VAMP7: variants seen among roughly 807,000 people sequenced by gnomAD.
VAMP7 encodes the protein vesicle associated membrane protein 7.
A neutral mutation model predicts 29.6 loss-of-function variants in VAMP7; 14 were observed. That is an observed-to-expected ratio of 0.47 (90% CI 0.31 to 0.74). VAMP7 has a LOEUF of 0.74. VAMP7 is among the 30% of genes least tolerant of loss of function. The pLI is 0.05. For synonymous variants in VAMP7, 95 were observed against 88.1 expected (o/e 1.08, Z -0.44); for missense variants, 223 against 262.4 (o/e 0.85, Z 1.04).
At chrX:155,889,855 A>G (rs1210805296) in intron 2 of VAMP7, among the ~76,000 whole-genome samples, 2 of 147,988 alleles carry the variant, frequency 1.4e-5, no homozygotes, top group African/African-American at 5.0e-5. Flanking sequence ...TTAAATGTAA[A>G]AATGACTTTG....
chrX:155,919,599 G>A (rs2066365101), intron 5 of VAMP7, among the ~76,000 whole-genome samples: 1 of 152,146 alleles, frequency 6.6e-6, no homozygotes, highest in East Asian at 1.9e-4. Flanking sequence ...GGCTTAGGGT[G>A]TAGTTGTTAT....
At chrX:155,914,937 G>T (rs2066289641) in intron 5 of VAMP7, among the ~76,000 whole-genome samples, 1 of 152,278 alleles carries the variant, frequency 6.6e-6, no homozygotes, top group African/African-American at 2.4e-5. Context: ...AGAAGGAATG[G>T]TACCAGCTCC....
chrX:155,921,931 T>C (rs2066401707), intron 6 of VAMP7, among the ~76,000 whole-genome samples: 2 of 152,068 alleles, frequency 1.3e-5, no homozygotes, highest in Non-Finnish European at 2.9e-5. Context: ...ATAGAGTTTT[T>C]CGGTCCATGA....
At chrX:155,895,906 G>A (rs2065981427) in intron 3 of VAMP7, among the ~76,000 whole-genome samples, 1 of 152,220 alleles carries the variant, frequency 6.6e-6, no homozygotes, top group South Asian at 2.1e-4. Context: ...TCATATGAGT[G>A]TGAACCCTGT....
intron 5 of VAMP7, among the ~76,000 whole-genome samples, chrX:155,917,724 C>G (rs1339949027): frequency 6.6e-6 from 1 of 152,132 alleles, no homozygotes; most frequent in Non-Finnish European, 1.5e-5. Flanking sequence ...CAGAGCTCTC[C>G]TGTATGAGAT....
intron 6 of VAMP7, among the ~76,000 whole-genome samples, chrX:155,937,640 C>CT (rs2066681453): frequency 1.3e-5 from 2 of 151,986 alleles, no homozygotes; most frequent in African/African-American, 4.8e-5. Context: ...TAACATTTTC[C>CT]TTTTTTCAAT....
intron 5 of VAMP7, among the ~76,000 whole-genome samples, chrX:155,912,695 C>CT (rs890738643): frequency 6.6e-6 from 1 of 152,040 alleles, no homozygotes; most frequent in African/African-American, 2.4e-5. Flanking sequence ...TGAACTCCTC[C>CT]TTTTTTATGG....
At chrX:155,903,485 C>T (rs2124288490) in intron 5 of VAMP7, among the ~76,000 whole-genome samples, 1 of 152,170 alleles carries the variant, frequency 6.6e-6, no homozygotes, top group South Asian at 2.1e-4. Flanking sequence ...CCAGAATCTA[C>T]AATGAACTCA....
chrX:155,920,208 A>C (rs1023095649), intron 6 of VAMP7, among the ~76,000 whole-genome samples: 2 of 152,208 alleles, frequency 1.3e-5, no homozygotes, highest in African/African-American at 4.8e-5. Context: ...TTTGTAAAAC[A>C]TGAAACAAAT....
At chrX:155,909,119 G>A (rs924031331) in intron 5 of VAMP7, among the ~76,000 whole-genome samples, 2 of 152,154 alleles carry the variant, frequency 1.3e-5, no homozygotes, top group Non-Finnish European at 2.9e-5. Flanking sequence ...GAGCCTCCAT[G>A]CCCGGCCTGA....
At position 155,929,178 on chromosome X, in the gene VAMP7, A is replaced by G. The variant is rs764794730; in HGVS notation, c.501+9298A>G. ...GAGAAGTTCAACAACTATACAGTTTACACGTTTTTTATTTGGGCCAAGTTT... is the reference window on the plus strand; with the variant it reads ...GAGAAGTTCAACAACTATACAGTTTGCACGTTTTTTATTTGGGCCAAGTTT... On this transcript the variant is annotated intron_variant, in intron 6 of 7. Coordinates refer to ENST00000286448, the MANE Select transcript of VAMP7 (RefSeq NM_005638.6). 5.9e-5 allele frequency among the ~76,000 whole-genome samples: 9 copies of G among 152,300 alleles called. No homozygotes were observed. In the South Asian group the frequency reaches 1.9e-3, roughly 32 times the overall value.
At chrX:155,929,886 C>A (rs2066523139) in intron 6 of VAMP7, among the ~76,000 whole-genome samples, 1 of 152,120 alleles carries the variant, frequency 6.6e-6, no homozygotes, top group Non-Finnish European at 1.5e-5. Context: ...TGGGGATTCC[C>A]CAAACCACCC....
chrX:155,930,163 G>C (rs1382543080), intron 6 of VAMP7, among the ~76,000 whole-genome samples: 4 of 152,130 alleles, frequency 2.6e-5, no homozygotes, highest in Non-Finnish European at 5.9e-5. Flanking sequence ...TTAGTGTTCA[G>C]AGTTTTTATT....
intron 1 of VAMP7, among the ~76,000 whole-genome samples, chrX:155,883,594 T>G (rs1210888345): frequency 2.6e-5 from 4 of 152,178 alleles, no homozygotes; most frequent in Non-Finnish European, 4.4e-5. Flanking sequence ...GCATTGACTA[T>G]CACCATGTGC....
At position 155,924,855 on chromosome X, in the gene VAMP7, A is replaced by G. The variant is rs963536437; in HGVS notation, c.501+4975A>G. On this transcript the variant is annotated intron_variant, in intron 6 of 7. Coordinates refer to ENST00000286448, the MANE Select transcript of VAMP7 (RefSeq NM_005638.6). Reference sequence around the variant, plus strand: ...TACTGGCAATAGAACTTCTTTCAAAATTGGAGTCAATCCTCTCAAACCCTG... The same window carrying G: ...TACTGGCAATAGAACTTCTTTCAAAGTTGGAGTCAATCCTCTCAAACCCTG... 2.6e-5 allele frequency among the ~76,000 whole-genome samples: 4 copies of G among 152,200 alleles called. No individual in the cohort carries two copies. The East Asian group carries it at 7.7e-4, about 29-fold the overall frequency.
intron 5 of VAMP7, among the ~76,000 whole-genome samples, chrX:155,907,692 A>T (rs1454393562): frequency 6.6e-6 from 1 of 152,064 alleles, no homozygotes; most frequent in Non-Finnish European, 1.5e-5. Flanking sequence ...CAGACACAGC[A>T]ACCATCCGAT....
At chrX:155,907,137 A>T (rs958860619) in intron 5 of VAMP7, among the ~76,000 whole-genome samples, 1 of 152,160 alleles carries the variant, frequency 6.6e-6, no homozygotes, top group African/African-American at 2.4e-5. Flanking sequence ...TGTTTCTGAA[A>T]TGAATCCCAC....
intron 7 of VAMP7, among the ~76,000 whole-genome samples, chrX:155,940,605 A>G (rs1227932919): frequency 6.6e-6 from 1 of 152,190 alleles, no homozygotes; most frequent in Admixed American, 6.5e-5. Context: ...TAAATTCAGA[A>G]TATATTTACT....
chrX:155,900,965 T>C (rs1490118794), intron 5 of VAMP7, among the ~76,000 whole-genome samples: 2 of 152,018 alleles, frequency 1.3e-5, no homozygotes, highest in Non-Finnish European at 2.9e-5. Flanking sequence ...GAGTGCTGTT[T>C]TGCAACCAGA....
Sources: allele counts gnomAD v4.1 joint callset (sites outside exome capture counted in the v4.1 genomes callset), GRCh38; gene constraint gnomAD v4.1.1; transcripts MANE v1.5; gene names NCBI Gene and HGNC (gene_info 2026-07-23, HGNC 2026-07-21).